Variants in FAM222B observed in about 807,000 individuals in gnomAD.
The protein encoded by FAM222B is protein FAM222B.
Under a neutral mutation model 38.0 loss-of-function variants are expected in FAM222B, and 12 were observed. That is an observed-to-expected ratio of 0.32 (90% CI 0.20 to 0.51). FAM222B has a LOEUF of 0.51. Ranked by LOEUF, FAM222B falls within the 20% of genes least tolerant of loss-of-function variation. FAM222B has a pLI of 0.97. For missense variants in FAM222B, 716 were observed against 754.2 expected, an observed-to-expected ratio of 0.95 and a Z score of 0.59; for synonymous variants, 329 against 317.2, an observed-to-expected ratio of 1.04 and a Z score of -0.40.
intron 1 of FAM222B, among the ~76,000 whole-genome samples, chr17:28,799,194 C>T (rs2037094794): frequency 1.3e-5 from 2 of 150,894 alleles, no homozygotes; most frequent in Non-Finnish European, 3.0e-5. Context: ...AGGATAGTGT[C>T]GATCTCTTGA....
chr17:28,775,742 A>G (rs1039171443), intron 1 of FAM222B, among the ~76,000 whole-genome samples: 2 of 151,802 alleles, frequency 1.3e-5, no homozygotes, highest in African/African-American at 4.8e-5. Flanking sequence ...TTAGCCGGGC[A>G]TGGTGGCTCG....
At chr17:28,854,448 A>G (rs2039210141) in intron 1 of FAM222B, among the ~76,000 whole-genome samples, 2 of 152,204 alleles carry the variant, frequency 1.3e-5, no homozygotes, top group Non-Finnish European at 2.9e-5. Context: ...CAAGGCTTAC[A>G]GGAGGGAAAT....
intron 1 of FAM222B, among the ~76,000 whole-genome samples, chr17:28,825,391 AC>A (rs1043978522): frequency 9.7e-5 from 14 of 144,410 alleles, no homozygotes; most frequent in Admixed American, 1.5e-4. Flanking sequence ...CCAAGATTGC[AC>A]CACTGCACTC....
At chr17:28,845,194 A>T (rs2039136652), upstream of FAM222B, among the ~76,000 whole-genome samples, 1 of 150,656 alleles carries the variant, frequency 6.6e-6, no homozygotes, top group Non-Finnish European at 1.5e-5. Flanking sequence ...GAGGTCAGGA[A>T]ATCGAGACCA....
intron 1 of FAM222B, among the ~76,000 whole-genome samples, chr17:28,786,816 A>G (rs886624069): frequency 2.0e-5 from 3 of 151,928 alleles, no homozygotes; most frequent in African/African-American, 7.3e-5. Context: ...TTGCTAGTGA[A>G]GAGTTTCAGA....
intron 1 of FAM222B, among the ~76,000 whole-genome samples, chr17:28,850,205 G>C (rs571156424): frequency 9.9e-5 from 15 of 152,234 alleles, no homozygotes; most frequent in Admixed American, 2.0e-4. Context: ...GGGGCCAGCG[G>C]GCAGGGATTG....
At chr17:28,822,235 T>G (rs1247868170) in intron 1 of FAM222B, among the ~76,000 whole-genome samples, 1 of 150,266 alleles carries the variant, frequency 6.7e-6, no homozygotes, top group Non-Finnish European at 1.5e-5. Context: ...CTGGCCAGGA[T>G]GGTCTCGATC....
At chr17:28,788,112 C>T (rs1353843514) in intron 1 of FAM222B, among the ~76,000 whole-genome samples, 1 of 152,146 alleles carries the variant, frequency 6.6e-6, no homozygotes, top group African/African-American at 2.4e-5. Context: ...GCGTGAGCCA[C>T]CGCACCCAGC....
intron 1 of FAM222B, among the ~76,000 whole-genome samples, chr17:28,825,885 C>T (rs2038423307): frequency 6.6e-6 from 1 of 151,906 alleles, no homozygotes; most frequent in East Asian, 1.9e-4. Context: ...AAGAATTCTC[C>T]TGCCTCAGCC....
At chr17:28,791,026 G>A (rs1349689636) in intron 1 of FAM222B, among the ~76,000 whole-genome samples, 1 of 150,580 alleles carries the variant, frequency 6.6e-6, no homozygotes, top group African/African-American at 2.4e-5. Flanking sequence ...AGCCTCCTGA[G>A]TAGCCGGCGT....
intron 1 of FAM222B, among the ~76,000 whole-genome samples, chr17:28,811,955 C>T (rs1295279679): frequency 6.6e-6 from 1 of 152,088 alleles, no homozygotes. Flanking sequence ...AAAAAGGGCT[C>T]CTCTTTTCTT....
intron 1 of FAM222B, among the ~76,000 whole-genome samples, chr17:28,818,420 T>C (rs1028541737): frequency 2.0e-5 from 3 of 151,038 alleles, no homozygotes; most frequent in Admixed American, 2.0e-4. Context: ...CCCAGCTACT[T>C]GGGAGGCTGA....
intron 1 of FAM222B, among the ~76,000 whole-genome samples, chr17:28,789,079 C>CAAAAAAAAAAAAA (rs397857027): frequency 4.7e-5 from 3 of 63,466 alleles, no homozygotes; most frequent in Non-Finnish European, 8.9e-5. Flanking sequence ...AAAGATACCT[C>CAAAAAAAAAAAAA]AAAAAAAAAA....
chr17:28,758,938 C>T lies in FAM222B; in HGVS notation c.1021G>A (p.Gly341Ser), dbSNP rs756276292. The T allele has an allele frequency of 2.5e-6, 4 of 1,609,938 alleles. No individual in the cohort carries two copies. Among genetic ancestry groups the T allele is most frequent in the Admixed American group, 1.7e-5 (1 of 59,288 alleles). ...HAATAALPAA[G>S]PVNLPTGISR... ...ATGCCTGTGGGCAGGTTGACAGGAC[C>T]TGCAGCAGGCAACGCGGCGGTGGCC... Residue 341 changes from glycine to serine, a missense_variant, in exon 3 of 3, where the codon GGT becomes AGT. Physicochemically the swap from Gly to Ser is moderately conservative, Grantham distance 56. Transcript: ENST00000581407.
intron 1 of FAM222B, among the ~76,000 whole-genome samples, chr17:28,811,708 A>G (rs1288312224): frequency 6.6e-6 from 1 of 152,226 alleles, no homozygotes. Flanking sequence ...ACTTTAGCAG[A>G]GTTAATCACT....
At chr17:28,822,626 C>CA (rs1290611963) in intron 1 of FAM222B, among the ~76,000 whole-genome samples, 1 of 140,592 alleles carries the variant, frequency 7.1e-6, no homozygotes, top group Non-Finnish European at 1.6e-5. Context: ...AACTCCACCA[C>CA]AAAAAATAAT....
chr17:28,838,549 C>CA (rs2038928638), intron 1 of FAM222B, among the ~76,000 whole-genome samples: 1 of 151,794 alleles, frequency 6.6e-6, no homozygotes, highest in African/African-American at 2.4e-5. Flanking sequence ...CACTGCACTC[C>CA]AGTCTGGGCG....
At chr17:28,834,853 A>G (rs1156603579) in intron 1 of FAM222B, 1 of 143,646 alleles carries the variant, frequency 7.0e-6, no homozygotes, top group Non-Finnish European at 1.5e-5. Flanking sequence ...AAAAAAAGTC[A>G]ATTTTTTTTT....
At chr17:28,768,956 G>GAGAATTAAC (rs2035477206) in intron 1 of FAM222B, among the ~76,000 whole-genome samples, 1 of 151,510 alleles carries the variant, frequency 6.6e-6, no homozygotes, top group African/African-American at 2.4e-5. Flanking sequence ...AGGAAAGGAA[G>GAGAATTAAC]AGAATTAACA....
Sources: gnomAD v4.1 joint callset for allele counts (sites outside exome capture counted in the v4.1 genomes callset) on GRCh38, gnomAD v4.1.1 for gene constraint, MANE v1.5 for transcripts, NCBI Gene and HGNC (gene_info 2026-07-23, HGNC 2026-07-21) for gene names.